LRMDA: variants seen among roughly 807,000 people sequenced by gnomAD.
The protein encoded by LRMDA is leucine rich melanocyte differentiation associated.
Under a neutral mutation model 29.8 loss-of-function variants are expected in LRMDA, and 18 were observed. The observed-to-expected ratio is 0.60, with a 90% CI of 0.42 to 0.90. LRMDA has a LOEUF of 0.90. LRMDA is among the 40% of genes least tolerant of loss of function. LRMDA has a pLI of 0.00. For synonymous variants in LRMDA, 125 were observed against 109.4 expected (o/e 1.14, Z -0.89); for missense variants, 273 against 273.9 (o/e 1.00, Z 0.02).
At chr10:75,509,711 T>C (rs185632693) in intron 2 of LRMDA, among the ~76,000 whole-genome samples, 6 of 152,382 alleles carry the variant, frequency 3.9e-5, no homozygotes, top group Admixed American at 3.3e-4. Flanking sequence ...ATGCTTATTT[T>C]TCTTTTGGTC....
At chr10:76,307,767 A>T (rs1407486511) in intron 5 of LRMDA, among the ~76,000 whole-genome samples, 1 of 152,314 alleles carries the variant, frequency 6.6e-6, no homozygotes, top group East Asian at 1.9e-4. Context: ...GGCTCCTGGG[A>T]GGCCACCACG....
At chr10:76,116,094 A>C (rs1849663847) in intron 5 of LRMDA, among the ~76,000 whole-genome samples, 1 of 152,100 alleles carries the variant, frequency 6.6e-6, no homozygotes, top group Non-Finnish European at 1.5e-5. Context: ...TGTGGGTATG[A>C]ATGTGGGATG....
In LRMDA at chr10:75,431,909, G is replaced by A. The variant is rs7101209; in HGVS notation, c.30+155G>A. ...GCTTCAGGTGCTCAGGCTCGCCCTA[G>A]TGGGGCTAGGACAGACCTCGTTTCG... On this transcript the variant is annotated intron_variant, in intron 1 of 6. Transcript: ENST00000611255. 1.3e-3 allele frequency among the ~76,000 whole-genome samples: 201 copies of A among 152,272 alleles called. 1 individual carries two copies. Among genetic ancestry groups the A allele is most frequent in the African/African-American group, 4.2e-3 (174 of 41,534 alleles).
At chr10:75,894,151 C>G (rs1051470573) in intron 2 of LRMDA, among the ~76,000 whole-genome samples, 1 of 152,010 alleles carries the variant, frequency 6.6e-6, no homozygotes. Flanking sequence ...ACACTGCATC[C>G]TATTGTAGTC....
intron 2 of LRMDA, among the ~76,000 whole-genome samples, chr10:75,470,029 C>T (rs1844707109): frequency 6.6e-6 from 1 of 152,168 alleles, no homozygotes; most frequent in South Asian, 2.1e-4. Context: ...TGCACCTCTC[C>T]CCTTTAATAA....
At chr10:75,942,495 G>A (rs1297062987) in intron 2 of LRMDA, among the ~76,000 whole-genome samples, 1 of 152,126 alleles carries the variant, frequency 6.6e-6, no homozygotes, top group East Asian at 1.9e-4. Flanking sequence ...GTGATGATGG[G>A]CTCGGTAGTT....
At chr10:76,018,445 G>A (rs1246664368) in intron 2 of LRMDA, among the ~76,000 whole-genome samples, 2 of 152,174 alleles carry the variant, frequency 1.3e-5, no homozygotes, top group East Asian at 3.8e-4. Flanking sequence ...GGGGGATTTT[G>A]CAGTGGTCTC....
chr10:76,093,247 G>A (rs1342854740), intron 5 of LRMDA, among the ~76,000 whole-genome samples: 10 of 151,578 alleles, frequency 6.6e-5, no homozygotes, highest in African/African-American at 1.2e-4. Context: ...CATGTTGGCC[G>A]GGCTGGTCTT....
chr10:75,596,758 A>G (rs764396854), intron 2 of LRMDA, among the ~76,000 whole-genome samples: 8 of 152,156 alleles, frequency 5.3e-5, no homozygotes, highest in African/African-American at 1.9e-4. Flanking sequence ...CTGCAGTGCT[A>G]TAGAACACTG....
intron 6 of LRMDA, among the ~76,000 whole-genome samples, chr10:76,395,364 GT>G (rs1411408899): frequency 1.3e-5 from 2 of 152,136 alleles, no homozygotes; most frequent in Non-Finnish European, 2.9e-5. Flanking sequence ...ATCTCAGCTG[GT>G]TCTCCTCTGT....
At chr10:76,223,907 A>G (rs1402306921) in intron 5 of LRMDA, among the ~76,000 whole-genome samples, 1 of 151,942 alleles carries the variant, frequency 6.6e-6, no homozygotes, top group African/African-American at 2.4e-5. Context: ...TTGTCTTTCT[A>G]CTTGGTCTAT....
At chr10:75,540,093 C>G (rs547974873) in intron 2 of LRMDA, among the ~76,000 whole-genome samples, 7 of 152,090 alleles carry the variant, frequency 4.6e-5, no homozygotes, top group Non-Finnish European at 1.0e-4. Flanking sequence ...AATAAAATTT[C>G]TGGTAGCAAC....
At chr10:75,625,146 G>C (rs1303083177) in intron 2 of LRMDA, among the ~76,000 whole-genome samples, 1 of 152,222 alleles carries the variant, frequency 6.6e-6, no homozygotes, top group Admixed American at 6.5e-5. Context: ...AGTTGGGGCA[G>C]AGCTTGAGTG....
At chr10:76,490,569 A>G (rs1215017196) in intron 6 of LRMDA, among the ~76,000 whole-genome samples, 1 of 151,942 alleles carries the variant, frequency 6.6e-6, no homozygotes, top group East Asian at 1.9e-4. Flanking sequence ...TTGTCTTGAA[A>G]TCTATTTTGT....
chr10:76,289,713 C>T (rs756659377), intron 5 of LRMDA, among the ~76,000 whole-genome samples: 13 of 152,160 alleles, frequency 8.5e-5, no homozygotes, highest in Non-Finnish European at 1.5e-4. Context: ...GTGGCTGTTT[C>T]TCAAATGTGC....
chr10:76,173,115 C>T (rs1850868481), intron 5 of LRMDA, among the ~76,000 whole-genome samples: 1 of 151,734 alleles, frequency 6.6e-6, no homozygotes, highest in South Asian at 2.1e-4. Flanking sequence ...TGAAAAATGC[C>T]ATGTCTAGAC....
rs199819978 is a variant in LRMDA at position 75,438,664 on chromosome 10, C to T, written c.131+170C>T. On this transcript the variant is annotated intron_variant, in intron 2 of 6. Transcript: ENST00000611255. ...CACACCCCAAAGGTTTCACTGTGTC[C>T]GGTGATTCCTTGGCTGCCTTTTTTT... 9.8e-5 allele frequency among the ~76,000 whole-genome samples: 15 copies of T among 152,306 alleles called. No homozygotes were observed. The East Asian group carries it at 2.3e-3, about 23-fold the overall frequency.
intron 2 of LRMDA, among the ~76,000 whole-genome samples, chr10:75,826,181 A>G (rs1400979202): frequency 6.6e-6 from 1 of 152,184 alleles, no homozygotes; most frequent in Non-Finnish European, 1.5e-5. Flanking sequence ...TGGATATCAA[A>G]GCCAAAAGGA....
chr10:76,312,808 AT>A (rs1203496969), intron 5 of LRMDA, among the ~76,000 whole-genome samples: 1 of 151,738 alleles, frequency 6.6e-6, no homozygotes, highest in Non-Finnish European at 1.5e-5. Flanking sequence ...AGCAAAATTA[AT>A]TCATATAATG....
Sources: gnomAD v4.1 joint callset for allele counts (sites outside exome capture counted in the v4.1 genomes callset) on GRCh38, gnomAD v4.1.1 for gene constraint, MANE v1.5 for transcripts, NCBI Gene and HGNC (gene_info 2026-07-23, HGNC 2026-07-21) for gene names.